The following MAST4 variants were observed in gnomAD, a reference collection of about 807,000 sequenced individuals.
MAST4 encodes the protein microtubule associated serine/threonine kinase family member 4.
Under a neutral mutation model 162.7 loss-of-function variants are expected in MAST4, and 89 were observed. The ratio of observed to expected loss-of-function variants is 0.55; its 90% CI spans 0.46 to 0.65. The LOEUF (loss-of-function observed/expected upper bound fraction) is 0.65, where lower values mean the gene tolerates loss of function less well. Ranked by LOEUF, MAST4 falls within the 30% of genes least tolerant of loss-of-function variation. MAST4 has a pLI of 0.00. For synonymous variants in MAST4, 1,479 were observed against 1,361.1 expected, an observed-to-expected ratio of 1.09 and a Z score of -1.91; for missense variants, 3,153 against 3,374.0, an observed-to-expected ratio of 0.93 and a Z score of 1.62.
chr5:66,652,570 T>A (rs1335234993), intron 1 of MAST4, among the ~76,000 whole-genome samples: 1 of 152,210 alleles, frequency 6.6e-6, no homozygotes, highest in African/African-American at 2.4e-5. Context: ...TAAAAAACAA[T>A]TTATCTATCT....
chr5:66,763,314 G>C (rs1753936866), intron 2 of MAST4, among the ~76,000 whole-genome samples: 1 of 152,170 alleles, frequency 6.6e-6, no homozygotes, highest in South Asian at 2.1e-4. Flanking sequence ...GGCTCAATCT[G>C]TAGGGCTCCC....
chr5:66,893,584 A>T (rs1362292438), intron 3 of MAST4, among the ~76,000 whole-genome samples: 1 of 152,176 alleles, frequency 6.6e-6, no homozygotes, highest in Non-Finnish European at 1.5e-5. Context: ...GTGCATTATG[A>T]TTATAGATAC....
At chr5:66,597,463 G>C (rs988533365) in intron 1 of MAST4, among the ~76,000 whole-genome samples, 6 of 152,136 alleles carry the variant, frequency 3.9e-5, no homozygotes, top group Admixed American at 1.3e-4. Flanking sequence ...GGAGTAGGGT[G>C]GGGGGCAGCG....
At chr5:67,097,111 C>G (rs1764549879) in intron 7 of MAST4, among the ~76,000 whole-genome samples, 2 of 152,156 alleles carry the variant, frequency 1.3e-5, no homozygotes, top group Non-Finnish European at 2.9e-5. Flanking sequence ...ACATAGAAGT[C>G]TCTCTTTTGC....
At chr5:66,820,996 A>G (rs1472636421) in intron 3 of MAST4, among the ~76,000 whole-genome samples, 2 of 152,244 alleles carry the variant, frequency 1.3e-5, no homozygotes, top group Non-Finnish European at 2.9e-5. Flanking sequence ...TACATTTAAG[A>G]AGTCTTCAGG....
chr5:66,739,155 C>T (rs913970241), intron 1 of MAST4, among the ~76,000 whole-genome samples: 1 of 152,138 alleles, frequency 6.6e-6, no homozygotes, highest in Non-Finnish European at 1.5e-5. Flanking sequence ...GTTGAATTTC[C>T]TGCTTTTTCC....
intron 1 of MAST4, among the ~76,000 whole-genome samples, chr5:66,633,282 C>G (rs1372514183): frequency 6.6e-6 from 1 of 152,194 alleles, no homozygotes; most frequent in Non-Finnish European, 1.5e-5. Flanking sequence ...GAGAAGCCAT[C>G]TTTTCATGAA....
rs1394316854 is a variant in MAST4, at chr5:67,164,019, C to G, written c.4840C>G (p.Arg1614Gly). The change falls in exon 29 of 29, where the codon CGC becomes GGC. Residue 1614 changes from arginine to glycine, a missense_variant. Arg to Gly is a moderately radical substitution (Grantham distance 125). This residue lies in a region of MAST4 where 1,644 missense variants were observed against 1,495.0 expected (regional missense o/e 1.10). Coordinates refer to ENST00000403625, the MANE Select transcript of MAST4 (RefSeq NM_001164664.2). The surrounding 1 kb of genome is among the most constrained non-coding windows in gnomAD (Gnocchi z 5.3). ...TGCTCTTCACAAGCAGGCCAGCGTG[C>G]GCGCCAGCGAGGGTGCGATGTCGGA... ...KDALHKQASV[R>G]ASEGAMSDGR... 1 of 1,589,454 alleles carries G rather than the reference C, an allele frequency of 6.3e-7. No individual in the cohort carries two copies. The highest frequency in any genetic ancestry group is 1.8e-5 in the Admixed American group (1 of 55,960).
intron 1 of MAST4, among the ~76,000 whole-genome samples, chr5:66,714,372 A>G (rs1332880687): frequency 6.6e-6 from 1 of 152,158 alleles, no homozygotes; most frequent in African/African-American, 2.4e-5. Flanking sequence ...GTTTTCTCCT[A>G]AGAGAACACA....
intron 1 of MAST4, among the ~76,000 whole-genome samples, chr5:66,712,051 C>A (rs778036827): frequency 6.6e-6 from 1 of 152,104 alleles, no homozygotes; most frequent in African/African-American, 2.4e-5. Flanking sequence ...ATCATTTATC[C>A]GTTCTACTGT....
At chr5:66,886,838 G>A (rs536241354) in intron 3 of MAST4, among the ~76,000 whole-genome samples, 3 of 151,074 alleles carry the variant, frequency 2.0e-5, no homozygotes, top group African/African-American at 7.3e-5. Flanking sequence ...GATTTTTTTG[G>A]TTAACAAAAA....
intron 4 of MAST4, among the ~76,000 whole-genome samples, chr5:66,991,137 A>G (rs1460840440): frequency 6.6e-6 from 1 of 152,174 alleles, no homozygotes; most frequent in Non-Finnish European, 1.5e-5. Context: ...GCCATTAGAA[A>G]AACTGGCTGG....
At chr5:66,705,949 T>A (rs1393027941) in intron 1 of MAST4, among the ~76,000 whole-genome samples, 1 of 152,180 alleles carries the variant, frequency 6.6e-6, no homozygotes, top group African/African-American at 2.4e-5. Context: ...CAAGGCTTAG[T>A]AAGGCGAAGT....
intron 14 of MAST4, among the ~76,000 whole-genome samples, chr5:67,126,484 C>G (rs1056785632): frequency 2.0e-5 from 3 of 152,134 alleles, no homozygotes; most frequent in African/African-American, 7.2e-5. Context: ...TTTCCCAATA[C>G]CATTTTAAAT....
intron 4 of MAST4, chr5:66,902,570 C>G (rs1175115084): frequency 3.5e-6 from 1 of 288,658 alleles, no homozygotes; most frequent in African/African-American, 2.3e-5. Context: ...AAATTCACAT[C>G]CCCACTAATT....
At chr5:66,606,651 TA>T (rs1317627939) in intron 1 of MAST4, among the ~76,000 whole-genome samples, 2 of 152,206 alleles carry the variant, frequency 1.3e-5, no homozygotes, top group Non-Finnish European at 2.9e-5. Context: ...CCTTTTCTCA[TA>T]TTGCCTATTT....
At chr5:66,903,244 C>T (rs980696375) in intron 4 of MAST4, among the ~76,000 whole-genome samples, 6 of 152,060 alleles carry the variant, frequency 3.9e-5, no homozygotes, top group East Asian at 1.9e-4. Flanking sequence ...AGGAGTTTCA[C>T]GTATATCATT....
At chr5:66,885,912 T>C (rs1307650815) in intron 3 of MAST4, among the ~76,000 whole-genome samples, 1 of 152,192 alleles carries the variant, frequency 6.6e-6, no homozygotes, top group Non-Finnish European at 1.5e-5. Flanking sequence ...TAATCTAGTA[T>C]TAGAGTGCTC....
intron 3 of MAST4, among the ~76,000 whole-genome samples, chr5:66,791,623 G>C (rs1431618706): frequency 2.0e-5 from 3 of 152,102 alleles, no homozygotes; most frequent in African/African-American, 4.8e-5. Context: ...ACTTATAATA[G>C]TACCTGGCAT....
Sources: allele counts gnomAD v4.1 joint callset (sites outside exome capture counted in the v4.1 genomes callset), GRCh38; gene constraint gnomAD v4.1.1; regional missense constraint gnomAD v4.1.1; non-coding constraint Gnocchi (gnomAD v3.1); transcripts MANE v1.5; gene names NCBI Gene and HGNC (gene_info 2026-07-23, HGNC 2026-07-21).